The following CCDC178 variants were observed in gnomAD, a reference collection of about 807,000 sequenced individuals.
CCDC178 encodes coiled-coil domain-containing protein 178.
A neutral mutation model predicts 117.4 loss-of-function variants in CCDC178; 126 were observed. The ratio of observed to expected loss-of-function variants is 1.07; its 90% CI spans 0.93 to 1.24. The LOEUF (loss-of-function observed/expected upper bound fraction) is 1.24, where lower values mean the gene tolerates loss of function less well. Ranked by LOEUF, CCDC178 falls within the 50% of genes most tolerant of loss-of-function variation. The probability of loss-of-function intolerance (pLI) is 0.00; values close to 1 mark genes in which losing one functional copy is unlikely to be tolerated. For synonymous variants in CCDC178, 283 were observed against 313.4 expected, an observed-to-expected ratio of 0.90 and a Z score of 1.02; for missense variants, 1,030 against 986.9, an observed-to-expected ratio of 1.04 and a Z score of -0.59.
intron 20 of CCDC178, among the ~76,000 whole-genome samples, chr18:33,185,207 C>G (rs79398601): frequency 6.6e-6 from 1 of 151,718 alleles, no homozygotes; most frequent in African/African-American, 2.4e-5. Context: ...ACAATTACTA[C>G]GAGAAAGGGG....
chr18:33,309,731 A>G (rs1270142815), intron 11 of CCDC178, among the ~76,000 whole-genome samples: 1 of 152,134 alleles, frequency 6.6e-6, no homozygotes, highest in Admixed American at 6.5e-5. Context: ...TTGAGAAAAA[A>G]TAATAATTTT....
chr18:33,323,529 C>T lies in CCDC178; in HGVS notation c.984G>A (p.Lys328=), dbSNP rs749454542. 15 of 1,560,524 alleles carry T rather than the reference C, an allele frequency of 9.6e-6. No individual in the cohort carries two copies. The highest frequency in any genetic ancestry group is 1.3e-5 in the Non-Finnish European group (15 of 1,153,658). ...KAQQIKEEID[K]DIYQDEKTIE... ...TGGTTTTTTCATCCTGGTAAATATC[C>T]TTATCAATCTCTTCTTTAATTTGCT... Residue 328 remains lysine, a synonymous_variant, in exon 11 of 23, where the codon AAG becomes AAA. Coordinates refer to ENST00000383096, the MANE Select transcript of CCDC178 (RefSeq NM_001105528.4).
At chr18:33,323,949 A>G (rs376258156) in intron 10 of CCDC178, among the ~76,000 whole-genome samples, 53 of 151,974 alleles carry the variant, frequency 3.5e-4, no homozygotes, top group African/African-American at 1.2e-3. Context: ...ACAAAGATGA[A>G]ATATCGCAAA....
intron 20 of CCDC178, among the ~76,000 whole-genome samples, chr18:33,171,683 T>C (rs923194389): frequency 1.3e-5 from 2 of 152,136 alleles, no homozygotes; most frequent in African/African-American, 2.4e-5. Context: ...GGGGTAACAG[T>C]TGACATGCTG....
In CCDC178 at chr18:32,938,031, T is replaced by C. The variant is rs75955534; in HGVS notation, c.2584A>G (p.Thr862Ala). The C allele has an allele frequency of 1.6e-3, 2,587 of 1,613,580 alleles. 41 individuals are homozygous for C. In the African/African-American group the frequency reaches 0.031, roughly 19 times the overall value. The change falls in exon 23 of 23, where the codon ACA (threonine) becomes GCA (alanine). Residue 862 changes from threonine (T) to alanine (A), a missense_variant. By Grantham distance (58) the Thr-to-Ala change is moderately conservative. Coordinates refer to ENST00000383096, the MANE Select transcript of CCDC178 (RefSeq NM_001105528.4). ...TTTGCTTAACCATCGTTTTCGCATG[T>C]GCCATCTGTCAAAGTCTGGAAGAAA... Reference protein sequence around the residue: ...LGFFQTLTDGTCENDG With the variant: ...LGFFQTLTDGACENDG
At chr18:33,293,598 GA>G (rs992624262) in intron 11 of CCDC178, among the ~76,000 whole-genome samples, 13 of 152,128 alleles carry the variant, frequency 8.5e-5, no homozygotes, top group African/African-American at 3.1e-4. Context: ...CCAGGAGGTT[GA>G]GGCTGTAGTG....
intron 21 of CCDC178, among the ~76,000 whole-genome samples, chr18:32,988,418 G>A (rs531976335): frequency 6.6e-6 from 1 of 152,098 alleles, no homozygotes; most frequent in East Asian, 1.9e-4. Context: ...CCTGGGCTAC[G>A]GAGTAAGACT....
chr18:33,353,058 G>A (rs1043562298), intron 7 of CCDC178, among the ~76,000 whole-genome samples: 13 of 151,604 alleles, frequency 8.6e-5, no homozygotes, highest in Admixed American at 3.3e-4. Context: ...CTTCAATTCT[G>A]TTAGTTTATA....
intron 3 of CCDC178, 121 bp downstream of exon 3, chr18:33,411,910 G>T: frequency 5.9e-6 from 3 of 508,158 alleles, no homozygotes; most frequent in South Asian, 3.4e-5. Flanking sequence ...GTAAGTTTTG[G>T]TTTTGTGACC....
chr18:33,132,216 A>G (rs2058075169), intron 20 of CCDC178, among the ~76,000 whole-genome samples: 1 of 151,758 alleles, frequency 6.6e-6, no homozygotes, highest in Non-Finnish European at 1.5e-5. Context: ...CTGTGGAAAT[A>G]TCTCCAGGAA....
intron 2 of CCDC178, among the ~76,000 whole-genome samples, chr18:33,427,386 T>C (rs1257843199): frequency 6.6e-6 from 1 of 152,146 alleles, no homozygotes; most frequent in Non-Finnish European, 1.5e-5. Flanking sequence ...TGTACAATAA[T>C]AGACTAGATT....
chr18:33,295,214 A>G (rs2062092052), intron 11 of CCDC178, among the ~76,000 whole-genome samples: 1 of 152,172 alleles, frequency 6.6e-6, no homozygotes, highest in African/African-American at 2.4e-5. Context: ...AATGAAAGTA[A>G]TTTAACATAT....
intron 21 of CCDC178, among the ~76,000 whole-genome samples, chr18:32,982,062 GTT>G (rs766891373): frequency 1.3e-5 from 2 of 152,062 alleles, no homozygotes; most frequent in African/African-American, 2.4e-5. Context: ...TGACTAGTAT[GTT>G]TTTTCCTTAA....
intron 10 of CCDC178, among the ~76,000 whole-genome samples, chr18:33,329,723 T>G (rs1357975976): frequency 1.3e-5 from 2 of 152,290 alleles, no homozygotes; most frequent in African/African-American, 4.8e-5. Flanking sequence ...TTTGCGTCTA[T>G]ATTCATAAGG....
chr18:33,053,844 C>A (rs1007487121), intron 21 of CCDC178, among the ~76,000 whole-genome samples: 8 of 152,018 alleles, frequency 5.3e-5, no homozygotes, highest in Non-Finnish European at 1.0e-4. Flanking sequence ...TTTATGACAA[C>A]TTTTTGTTTT....
intron 14 of CCDC178, among the ~76,000 whole-genome samples, chr18:33,258,383 T>A (rs1276910187): frequency 6.6e-6 from 1 of 152,182 alleles, no homozygotes; most frequent in African/African-American, 2.4e-5. Flanking sequence ...CTTGGAATTC[T>A]CTTCCTCAGA....
At chr18:33,015,873 G>A (rs1216033182) in intron 21 of CCDC178, among the ~76,000 whole-genome samples, 5 of 152,162 alleles carry the variant, frequency 3.3e-5, no homozygotes, top group African/African-American at 1.2e-4. Context: ...ATTCCCTGGA[G>A]GGGCTCAACA....
At chr18:33,394,947 A>G (rs550970690) in intron 4 of CCDC178, among the ~76,000 whole-genome samples, 3,232 of 23,554 alleles carry the variant, frequency 0.14, 79 homozygotes, top group Middle Eastern at 0.27. Context: ...GTATGTGTAT[A>G]TATATATATA....
chr18:33,169,008 A>AT (rs897614968), intron 20 of CCDC178, among the ~76,000 whole-genome samples: 60 of 149,326 alleles, frequency 4.0e-4, no homozygotes, highest in Admixed American at 1.4e-3. Flanking sequence ...ACAAGGGTAA[A>AT]TTTTTTTTTT....
Sources: allele counts gnomAD v4.1 joint callset (sites outside exome capture counted in the v4.1 genomes callset), GRCh38; gene constraint gnomAD v4.1.1; transcripts MANE v1.5; gene names NCBI Gene and HGNC (gene_info 2026-07-23, HGNC 2026-07-21).